Variants in GPHN observed in about 807,000 individuals in gnomAD.
The protein encoded by GPHN is gephyrin.
GPHN carries 17 observed loss-of-function variants against 95.5 expected under a neutral mutation model. The ratio of observed to expected loss-of-function variants is 0.18; its 90% CI spans 0.12 to 0.27. The LOEUF is 0.27. Ranked by LOEUF, GPHN falls within the 10% of genes least tolerant of loss-of-function variation. The probability of loss-of-function intolerance (pLI) is 1.00; values close to 1 mark genes in which losing one functional copy is unlikely to be tolerated. For synonymous variants in GPHN, 320 were observed against 322.5 expected, an observed-to-expected ratio of 0.99 and a Z score of 0.08; for missense variants, 660 against 978.1, an observed-to-expected ratio of 0.67 and a Z score of 4.34.
At chr14:67,372,139 A>T in the GPHN span, among the ~76,000 whole-genome samples, 6 of 152,196 alleles carry the variant, frequency 3.9e-5, no homozygotes, top group South Asian at 1.2e-3. Context: ...AAAAAAAATT[A>T]AAAAATTTAT....
At chr14:67,723,205 G>A in the GPHN span, among the ~76,000 whole-genome samples, 1 of 152,168 alleles carries the variant, frequency 6.6e-6, no homozygotes, top group African/African-American at 2.4e-5. Flanking sequence ...ATTTCTAGAG[G>A]TGTCAAATAA....
At chr14:67,115,828 CA>C (rs1328637256) in intron 16 of GPHN, among the ~76,000 whole-genome samples, 1 of 152,022 alleles carries the variant, frequency 6.6e-6, no homozygotes, top group Non-Finnish European at 1.5e-5. Flanking sequence ...CTTGGCAACC[CA>C]AAGAGTGCCG....
chr14:66,661,592 G>C (rs529836989), intron 1 of GPHN, among the ~76,000 whole-genome samples: 155 of 152,264 alleles, frequency 1.0e-3, no homozygotes, highest in African/African-American at 3.4e-3. Context: ...AACCGACCAG[G>C]GCAGAAGGGA....
At chr14:67,415,926 T>C in the GPHN span, among the ~76,000 whole-genome samples, 63 of 152,078 alleles carry the variant, frequency 4.1e-4, 1 homozygote, top group Admixed American at 2.6e-4. Context: ...GAGCTGGACA[T>C]TGAGATCACA....
the GPHN span, chr14:67,645,925 C>A: frequency 2.7e-6 from 3 of 1,131,956 alleles, no homozygotes; most frequent in Admixed American, 2.3e-5. Context: ...TTCATTTGTT[C>A]ATCACTATTA....
chr14:66,894,997 C>G (rs2064754560), intron 5 of GPHN, among the ~76,000 whole-genome samples: 1 of 152,212 alleles, frequency 6.6e-6, no homozygotes, highest in South Asian at 2.1e-4. Flanking sequence ...ACCCAGCCAT[C>G]CCATTACTGG....
chr14:66,959,899 G>A (rs1466055729), intron 8 of GPHN, among the ~76,000 whole-genome samples: 1 of 151,766 alleles, frequency 6.6e-6, no homozygotes, highest in East Asian at 1.9e-4. Flanking sequence ...GGTTGCTTAA[G>A]CCATGTTGTT....
chr14:67,211,536 A>G, the GPHN span, among the ~76,000 whole-genome samples: 1 of 152,246 alleles, frequency 6.6e-6, no homozygotes, highest in Non-Finnish European at 1.5e-5. Flanking sequence ...ATTCGAATGT[A>G]TGAGGAAGTT....
intron 6 of GPHN, among the ~76,000 whole-genome samples, chr14:66,921,217 T>C (rs1170642223): frequency 6.6e-6 from 1 of 152,216 alleles, no homozygotes; most frequent in African/African-American, 2.4e-5. Flanking sequence ...CCACCAGCAG[T>C]GTAGAAGTGT....
intron 1 of GPHN, among the ~76,000 whole-genome samples, chr14:66,666,266 T>A (rs1009196709): frequency 8.0e-5 from 12 of 150,134 alleles, no homozygotes; most frequent in African/African-American, 2.9e-4. Flanking sequence ...TATATATATA[T>A]AAAATATTAA....
chr14:67,202,049 A>T, the GPHN span, among the ~76,000 whole-genome samples: 1 of 152,204 alleles, frequency 6.6e-6, no homozygotes, highest in East Asian at 1.9e-4. Flanking sequence ...CTCAGGGGAG[A>T]CTTCCATGAG....
the GPHN span, among the ~76,000 whole-genome samples, chr14:67,591,259 G>A: frequency 6.6e-6 from 1 of 152,016 alleles, no homozygotes; most frequent in African/African-American, 2.4e-5. Flanking sequence ...AGCTAAAAAA[G>A]CTAAATCCAC....
the GPHN span, chr14:67,225,237 G>A: frequency 1.3e-6 from 2 of 1,521,454 alleles, no homozygotes; most frequent in Non-Finnish European, 1.8e-6. Flanking sequence ...AGACAAAGTT[G>A]ATGGAAAAAC....
chr14:67,592,838 T>C, the GPHN span: 1 of 649,394 alleles, frequency 1.5e-6, no homozygotes, highest in Non-Finnish European at 2.7e-6. Context: ...CAAGCTGCAG[T>C]GCAGTGGCGC....
chr14:67,388,411 A>T, the GPHN span: 1 of 727,176 alleles, frequency 1.4e-6, no homozygotes, highest in African/African-American at 1.7e-5. Context: ...AATCATTTGT[A>T]ATAGAAGATG....
chr14:67,315,946 T>TA, the GPHN span, among the ~76,000 whole-genome samples: 1 of 152,240 alleles, frequency 6.6e-6, no homozygotes, highest in Non-Finnish European at 1.5e-5. Flanking sequence ...AGGCTTCCTT[T>TA]AATGCTTCTT....
intron 4 of GPHN, among the ~76,000 whole-genome samples, chr14:66,875,307 C>T (rs2063604871): frequency 6.6e-6 from 1 of 152,136 alleles, no homozygotes; most frequent in Non-Finnish European, 1.5e-5. Context: ...AAAAACATAG[C>T]TAATTGTAAA....
chr14:66,916,104 A>G lies in GPHN; in HGVS notation c.456+35A>G, dbSNP rs1233007077. 3 of 1,383,644 alleles carry G rather than the reference A, an allele frequency of 2.2e-6. No homozygotes were observed. In the South Asian group the frequency reaches 3.5e-5, roughly 16 times the overall value. 85.7% of individuals were successfully genotyped at this position (1,383,644 alleles called of 1,614,324 possible). ...CTGGACATATTAATGGTTTAGTGTA[A>G]GAGCTTTTGACCAGCCGTGAAAGTT... On this transcript the variant is annotated intron_variant, in intron 6 of 22. Coordinates refer to ENST00000478722, the MANE Select transcript of GPHN (RefSeq NM_020806.5).
chr14:67,692,568 C>G, the GPHN span: 1 of 1,601,774 alleles, frequency 6.2e-7, no homozygotes, highest in Non-Finnish European at 8.5e-7. Flanking sequence ...TTTCCACATC[C>G]CGGCAAGCTA....
Sources: gnomAD v4.1 joint callset for allele counts (sites outside exome capture counted in the v4.1 genomes callset) on GRCh38, gnomAD v4.1.1 for gene constraint, MANE v1.5 for transcripts, NCBI Gene and HGNC (gene_info 2026-07-23, HGNC 2026-07-21) for gene names.